The following PCGF5 variants were observed in gnomAD, a reference collection of about 807,000 sequenced individuals.
The protein encoded by PCGF5 is polycomb group RING finger protein 5.
Under a neutral mutation model 44.3 loss-of-function variants are expected in PCGF5, and 9 were observed. That is an observed-to-expected ratio of 0.20 (90% CI 0.12 to 0.35). The LOEUF (loss-of-function observed/expected upper bound fraction) is 0.35, where lower values mean the gene tolerates loss of function less well. Ranked by LOEUF, PCGF5 falls within the 10% of genes least tolerant of loss-of-function variation. PCGF5 has a pLI of 1.00. For missense variants in PCGF5, 146 were observed against 305.3 expected, an observed-to-expected ratio of 0.48 and a Z score of 3.89; for synonymous variants, 95 against 102.5, an observed-to-expected ratio of 0.93 and a Z score of 0.44.
chr10:91,170,555 A>G lies in PCGF5; in HGVS notation c.-184+7474A>G, dbSNP rs141423867. Among the ~76,000 whole-genome samples, 8 of 152,350 alleles carry G rather than the reference A, an allele frequency of 5.3e-5. No homozygotes were observed. In the East Asian group the frequency reaches 1.5e-3, roughly 29 times the overall value. On this transcript the variant is annotated intron_variant, in intron 1 of 9. Transcript: ENST00000614189. ...CAGGAAAATGCAAATCAAAACAACC[A>G]TGATATACCACTATACACAATTGAA...
intron 1 of PCGF5, among the ~76,000 whole-genome samples, chr10:91,206,828 C>A (rs1347119248): frequency 1.3e-5 from 2 of 152,204 alleles, no homozygotes; most frequent in Non-Finnish European, 2.9e-5. Context: ...GTTACCTGCA[C>A]AGTTTAGTCC....
chr10:91,236,611 G>A (rs994030081), intron 2 of PCGF5, among the ~76,000 whole-genome samples: 2 of 152,298 alleles, frequency 1.3e-5, no homozygotes, highest in Non-Finnish European at 1.5e-5. Context: ...AGAGAGTTTG[G>A]CATGAAATCT....
At chr10:91,169,476 C>T (rs1051297221) in intron 1 of PCGF5, among the ~76,000 whole-genome samples, 3 of 152,144 alleles carry the variant, frequency 2.0e-5, no homozygotes, top group Non-Finnish European at 4.4e-5. Context: ...CATCACTTTT[C>T]TATATACCAG....
chr10:91,199,350 C>T (rs1209961524), intron 1 of PCGF5, among the ~76,000 whole-genome samples: 1 of 152,224 alleles, frequency 6.6e-6, no homozygotes, highest in Non-Finnish European at 1.5e-5. Flanking sequence ...GCTGTAGAGC[C>T]AGCATGGCAG....
At chr10:91,226,619 T>C (rs1017914707) in intron 2 of PCGF5, among the ~76,000 whole-genome samples, 1 of 152,208 alleles carries the variant, frequency 6.6e-6, no homozygotes. Flanking sequence ...CCAGATAGGT[T>C]GGTGCTTCCC....
chr10:91,272,643 C>T (rs186342263), intron 9 of PCGF5, among the ~76,000 whole-genome samples: 1 of 151,920 alleles, frequency 6.6e-6, no homozygotes, highest in African/African-American at 2.4e-5. Context: ...TGTGGTGGCA[C>T]ACCCCTGTAG....
intron 2 of PCGF5, among the ~76,000 whole-genome samples, chr10:91,233,551 A>G (rs1845069607): frequency 6.6e-6 from 1 of 152,270 alleles, no homozygotes; most frequent in African/African-American, 2.4e-5. Flanking sequence ...TAATATATAT[A>G]CACATATACA....
chr10:91,216,460 A>G (rs545658430), upstream of PCGF5, among the ~76,000 whole-genome samples: 1 of 152,240 alleles, frequency 6.6e-6, no homozygotes, highest in African/African-American at 2.4e-5. Context: ...AGTGACAGGG[A>G]TTTGAAATGG....
intron 6 of PCGF5, among the ~76,000 whole-genome samples, chr10:91,253,655 A>C (rs1161582505): frequency 6.6e-6 from 1 of 152,076 alleles, no homozygotes; most frequent in African/African-American, 2.4e-5. Context: ...TAAGTCCTGC[A>C]AAATTCCCCC....
At chr10:91,228,080 G>A (rs751685584) in intron 2 of PCGF5, 3 of 371,852 alleles carry the variant, frequency 8.1e-6, no homozygotes, top group Non-Finnish European at 1.1e-5. Flanking sequence ...ATCTACATAG[G>A]CATCTTTGGG....
intron 1 of PCGF5, among the ~76,000 whole-genome samples, chr10:91,206,508 G>A (rs574058259): frequency 1.2e-4 from 19 of 152,284 alleles, no homozygotes; most frequent in African/African-American, 4.6e-4. Context: ...CTAGCAGATA[G>A]GGAAAGCCTG....
chr10:91,242,498 A>T (rs970097069), intron 3 of PCGF5, among the ~76,000 whole-genome samples: 3 of 152,178 alleles, frequency 2.0e-5, no homozygotes, highest in African/African-American at 7.2e-5. Context: ...AAGGCAATTT[A>T]TCTTAATCTT....
intron 8 of PCGF5, among the ~76,000 whole-genome samples, chr10:91,266,994 T>C (rs1173257091): frequency 1.3e-5 from 2 of 152,132 alleles, no homozygotes; most frequent in African/African-American, 2.4e-5. Flanking sequence ...ACATGCCCAC[T>C]CCGTTCTCTG....
intron 3 of PCGF5, among the ~76,000 whole-genome samples, chr10:91,241,975 G>C (rs572197281): frequency 2.6e-5 from 4 of 152,086 alleles, no homozygotes; most frequent in Non-Finnish European, 5.9e-5. Flanking sequence ...AGATCACTTC[G>C]TTTAGCAAGC....
chr10:91,198,090 A>G (rs1429180865), intron 1 of PCGF5, among the ~76,000 whole-genome samples: 1 of 152,228 alleles, frequency 6.6e-6, no homozygotes, highest in African/African-American at 2.4e-5. Context: ...TTTTCAGGCA[A>G]TGAGAAATAC....
At chr10:91,266,506 A>C (rs1396357686) in intron 8 of PCGF5, among the ~76,000 whole-genome samples, 2 of 152,244 alleles carry the variant, frequency 1.3e-5, no homozygotes, top group African/African-American at 4.8e-5. Flanking sequence ...AAAAGTTCAA[A>C]AAGTGATTCA....
At chr10:91,241,527 T>C (rs1048846042) in intron 3 of PCGF5, among the ~76,000 whole-genome samples, 1 of 152,162 alleles carries the variant, frequency 6.6e-6, no homozygotes, top group Non-Finnish European at 1.5e-5. Flanking sequence ...TCCTCACCAC[T>C]AGACCCATTT....
At chr10:91,246,998 G>C (rs919572734) in intron 3 of PCGF5, among the ~76,000 whole-genome samples, 69 of 150,070 alleles carry the variant, frequency 4.6e-4, no homozygotes, top group Middle Eastern at 3.5e-3. Context: ...TAGATAGATA[G>C]ATAGATAGAT....
chr10:91,254,933 G>A (rs1031955727), intron 6 of PCGF5, among the ~76,000 whole-genome samples: 1 of 152,028 alleles, frequency 6.6e-6, no homozygotes, highest in Non-Finnish European at 1.5e-5. Flanking sequence ...ATTTTAACTT[G>A]CTTTAGTTCC....
Sources: allele counts gnomAD v4.1 joint callset (sites outside exome capture counted in the v4.1 genomes callset), GRCh38; gene constraint gnomAD v4.1.1; transcripts MANE v1.5; gene names NCBI Gene and HGNC (gene_info 2026-07-23, HGNC 2026-07-21).